Variants in ACAP2 observed in about 807,000 individuals in gnomAD.
The protein encoded by ACAP2 is arf-GAP with coiled-coil, ANK repeat and PH domain-containing protein 2.
ACAP2 carries 39 observed loss-of-function variants against 115.8 expected under a neutral mutation model. The ratio of observed to expected loss-of-function variants is 0.34; its 90% CI spans 0.26 to 0.44. The LOEUF is 0.44. ACAP2 is among the 20% of genes least tolerant of loss of function. The pLI is 1.00. For synonymous variants in ACAP2, 289 were observed against 315.8 expected (o/e 0.92, Z 0.90); for missense variants, 662 against 927.6 (o/e 0.71, Z 3.72).
intron 9 of ACAP2, 75 bp downstream of exon 9, chr3:195,326,810 A>G: frequency 7.7e-7 from 1 of 1,299,408 alleles, no homozygotes; most frequent in East Asian, 2.3e-5. Flanking sequence ...TTCCAATACA[A>G]TGATACCTTG....
In ACAP2 at chr3:195,275,961, G is replaced by C. The variant is rs1006863740; in HGVS notation, c.*3367C>G. 3.3e-5 allele frequency: 5 copies of C among 152,472 alleles called. No individual in the cohort carries two copies. In the East Asian group the frequency reaches 7.7e-4, roughly 23 times the overall value. The allele number at this position is 152,472 out of a possible 1,614,324, so 9.4% of individuals were successfully genotyped here. On this transcript the variant is annotated 3_prime_UTR_variant, in exon 23 of 23. Coordinates refer to ENST00000326793, the MANE Select transcript of ACAP2 (RefSeq NM_012287.6). ...ATCATGCGGTTCTAAAGTCATTCTG[G>C]ACATACAATCTACAAAAATACATCA...
At chr3:195,284,922 G>A (rs751283381) in intron 22 of ACAP2, among the ~76,000 whole-genome samples, 10 of 152,132 alleles carry the variant, frequency 6.6e-5, no homozygotes, top group South Asian at 4.1e-4. Flanking sequence ...TGTGAAGAAC[G>A]TCTAATCAAC....
chr3:195,294,034 G>T (rs1446078400), intron 18 of ACAP2, among the ~76,000 whole-genome samples: 3 of 151,978 alleles, frequency 2.0e-5, no homozygotes, highest in African/African-American at 7.3e-5. Flanking sequence ...AGCTACTCGG[G>T]AGGCTGAGGC....
chr3:195,415,076 AAAC>A (rs1453021440), intron 1 of ACAP2, among the ~76,000 whole-genome samples: 1 of 152,152 alleles, frequency 6.6e-6, no homozygotes, highest in Non-Finnish European at 1.5e-5. Flanking sequence ...ACATTTATCT[AAAC>A]ATCAAGAATG....
Position 195,275,805 on chromosome 3 carries a change from TG to T in ACAP2, c.*3522del, listed in dbSNP as rs1413573087. Reference sequence around the variant, plus strand: ...TGAGATAAAGCAATGCCAAGTACACTGTAAGTAGCAAAACAGTATACAAAGG... The same window carrying T: ...TGAGATAAAGCAATGCCAAGTACACTTAAGTAGCAAAACAGTATACAAAGG... On this transcript the variant is annotated 3_prime_UTR_variant, in exon 23 of 23. Coordinates refer to ENST00000326793, the MANE Select transcript of ACAP2 (RefSeq NM_012287.6). 6.6e-6 allele frequency: 1 copy of T among 152,278 alleles called. No homozygotes were observed. The highest frequency in any genetic ancestry group is 2.4e-5 in the African/African-American group (1 of 41,460). The allele number at this position is 152,278 out of a possible 1,614,324, so 9.4% of individuals were successfully genotyped here.
intron 2 of ACAP2, among the ~76,000 whole-genome samples, chr3:195,383,187 T>C (rs1360159783): frequency 6.6e-6 from 1 of 152,134 alleles, no homozygotes; most frequent in East Asian, 1.9e-4. Flanking sequence ...AAAAACTGAT[T>C]CTAAAGTTCA....
At chr3:195,413,919 G>A (rs1399859519) in intron 1 of ACAP2, among the ~76,000 whole-genome samples, 1 of 151,772 alleles carries the variant, frequency 6.6e-6, no homozygotes, top group Non-Finnish European at 1.5e-5. Flanking sequence ...AGGCTGCAAT[G>A]AGCTATGACT....
chr3:195,307,415 G>A, intron 11 of ACAP2, 92 bp from the exon 12 acceptor site: 8 of 737,154 alleles, frequency 1.1e-5, no homozygotes, highest in South Asian at 2.0e-5. Flanking sequence ...TGGCATAACT[G>A]GTCTAATTTT....
chr3:195,334,082 C>G (rs1194119153), intron 7 of ACAP2, among the ~76,000 whole-genome samples: 1 of 151,906 alleles, frequency 6.6e-6, no homozygotes. Context: ...GAAGGAATTA[C>G]ATAATTAAAT....
intron 2 of ACAP2, 100 bp downstream of exon 2, chr3:195,391,990 G>C: frequency 2.1e-6 from 2 of 934,436 alleles, no homozygotes. Flanking sequence ...GTGAGACTCT[G>C]TCTCCAAAAA....
At chr3:195,429,523 A>G (rs1714948018) in intron 1 of ACAP2, among the ~76,000 whole-genome samples, 1 of 152,186 alleles carries the variant, frequency 6.6e-6, no homozygotes, top group African/African-American at 2.4e-5. Flanking sequence ...GTTCAACGAT[A>G]GGCAAAACTA....
intron 10 of ACAP2, among the ~76,000 whole-genome samples, chr3:195,318,705 G>C (rs1729249078): frequency 6.6e-6 from 1 of 152,136 alleles, no homozygotes; most frequent in Non-Finnish European, 1.5e-5. Context: ...CGTTCACAAA[G>C]AAAAGATAAG....
At chr3:195,326,712 C>T (rs1356789744) in intron 9 of ACAP2, 173 bp downstream of exon 9, 1 of 544,386 alleles carries the variant, frequency 1.8e-6, no homozygotes, top group African/African-American at 1.9e-5. Context: ...TAACAAAATA[C>T]ATACCTTAAA....
intron 4 of ACAP2, among the ~76,000 whole-genome samples, chr3:195,361,969 G>A (rs1016029155): frequency 6.6e-6 from 1 of 152,072 alleles, no homozygotes. Flanking sequence ...ATTGAAGCAC[G>A]AAGAAATCCA....
chr3:195,431,693 C>A (rs546717512), intron 1 of ACAP2, among the ~76,000 whole-genome samples: 1 of 151,314 alleles, frequency 6.6e-6, no homozygotes, highest in South Asian at 2.1e-4. Context: ...ATGATACACT[C>A]GTCTCGGCCT....
intron 10 of ACAP2, among the ~76,000 whole-genome samples, chr3:195,311,622 C>T (rs184924110): frequency 1.6e-3 from 238 of 152,190 alleles, no homozygotes; most frequent in Non-Finnish European, 1.0e-3. Context: ...CTGCAACCTC[C>T]GCCTCCTGAG....
intron 2 of ACAP2, among the ~76,000 whole-genome samples, chr3:195,382,323 T>C (rs1413105648): frequency 6.6e-6 from 1 of 152,188 alleles, no homozygotes; most frequent in Non-Finnish European, 1.5e-5. Flanking sequence ...CATTTCAATA[T>C]TAGTCTATCA....
chr3:195,381,861 C>CTTTTTTTTTTTTT, intron 3 of ACAP2, 42 bp downstream of exon 3: 3 of 1,386,068 alleles, frequency 2.2e-6, no homozygotes, highest in African/African-American at 1.5e-5. Flanking sequence ...TGTCTTATTG[C>CTTTTTTTTTTTTT]TTTTTTTTTT....
At chr3:195,283,939 T>C (rs1726674773) in intron 22 of ACAP2, among the ~76,000 whole-genome samples, 1 of 152,180 alleles carries the variant, frequency 6.6e-6, no homozygotes, top group African/African-American at 2.4e-5. Context: ...TTTCTATACA[T>C]TTTAAGTTTA....
Sources: gnomAD v4.1 joint callset for allele counts (sites outside exome capture counted in the v4.1 genomes callset) on GRCh38, gnomAD v4.1.1 for gene constraint, MANE v1.5 for transcripts, NCBI Gene and HGNC (gene_info 2026-07-23, HGNC 2026-07-21) for gene names.